CEP85L: variants seen among roughly 807,000 people sequenced by gnomAD.
CEP85L encodes the protein centrosomal protein of 85 kDa-like.
In CEP85L, 60 loss-of-function variants were observed where a neutral mutation model predicts 100.3. The ratio of observed to expected loss-of-function variants is 0.60; its 90% CI spans 0.49 to 0.74. The LOEUF (loss-of-function observed/expected upper bound fraction) is 0.74. CEP85L is among the 30% of genes least tolerant of loss of function. The pLI is 0.00. For missense variants in CEP85L, 973 were observed against 936.2 expected (o/e 1.04, Z -0.51); for synonymous variants, 319 against 322.7 (o/e 0.99, Z 0.12).
chr6:118,650,888 G>C (rs1008320363), intron 1 of CEP85L, among the ~76,000 whole-genome samples: 15 of 152,204 alleles, frequency 9.9e-5, no homozygotes, highest in African/African-American at 3.4e-4. Context: ...CGAGTAAAAG[G>C]AAAAAACCGG....
intron 1 of CEP85L, among the ~76,000 whole-genome samples, chr6:118,669,973 G>A (rs1299586949): frequency 2.7e-5 from 4 of 149,988 alleles, no homozygotes; most frequent in East Asian, 2.0e-4. Flanking sequence ...TTGTATCTTC[G>A]AGGTACTGAA....
At chr6:118,490,621 C>G (rs1774491498) in intron 6 of CEP85L, among the ~76,000 whole-genome samples, 1 of 152,098 alleles carries the variant, frequency 6.6e-6, no homozygotes, top group South Asian at 2.1e-4. Flanking sequence ...TGAAGACACA[C>G]ATAGACAAAA....
intron 1 of CEP85L, among the ~76,000 whole-genome samples, chr6:118,661,662 C>T (rs1343490403): frequency 6.6e-6 from 1 of 151,932 alleles, no homozygotes; most frequent in Non-Finnish European, 1.5e-5. Flanking sequence ...CCTATAAAAT[C>T]CTAAATCTCT....
At chr6:118,576,183 G>A (rs1030599490) in intron 2 of CEP85L, among the ~76,000 whole-genome samples, 1 of 152,132 alleles carries the variant, frequency 6.6e-6, no homozygotes, top group Non-Finnish European at 1.5e-5. Flanking sequence ...CCTTCCTATT[G>A]CCTTACCAAG....
intron 3 of CEP85L, chr6:118,558,795 T>G: frequency 1.4e-6 from 1 of 727,598 alleles, no homozygotes. Flanking sequence ...CATAGATGAT[T>G]CTAATCCATT....
At chr6:118,648,639 G>A (rs1202433707) in intron 1 of CEP85L, among the ~76,000 whole-genome samples, 1 of 151,850 alleles carries the variant, frequency 6.6e-6, no homozygotes, top group East Asian at 1.9e-4. Flanking sequence ...CTACTCGGGA[G>A]GCTGAGGCAG....
chr6:118,539,648 T>C (rs1032178365), intron 3 of CEP85L, among the ~76,000 whole-genome samples: 1 of 147,118 alleles, frequency 6.8e-6, no homozygotes, highest in African/African-American at 2.5e-5. Context: ...GCAGGTTTCT[T>C]ACATAGGTAA....
Position 118,570,567 on chromosome 6 carries a change from C to T in CEP85L, c.233-4251G>A, listed in dbSNP as rs556927109. ...TATATGCTGTCCATAGACTATGATA[C>T]TGAATATAGAATTTATTCCTAAAAT... On this transcript the variant is annotated intron_variant, in intron 2 of 12. Coordinates refer to ENST00000368491, the MANE Select transcript of CEP85L (RefSeq NM_001042475.3). 3.9e-5 allele frequency among the ~76,000 whole-genome samples: 6 copies of T among 152,270 alleles called. No individual in the cohort carries two copies. In the South Asian group the frequency reaches 6.2e-4, roughly 16 times the overall value.
chr6:118,678,308 G>T (rs1465634644), intron 1 of CEP85L, among the ~76,000 whole-genome samples: 1 of 152,196 alleles, frequency 6.6e-6, no homozygotes, highest in Admixed American at 6.5e-5. Context: ...AAACACACTG[G>T]TCATGCATTG....
chr6:118,691,061 G>GT (rs1373030438), intron 1 of CEP85L, among the ~76,000 whole-genome samples: 1 of 152,092 alleles, frequency 6.6e-6, no homozygotes, highest in Non-Finnish European at 1.5e-5. Context: ...GGGAGAGACA[G>GT]TTTAAAAAAA....
chr6:118,622,843 T>C (rs1773540471), intron 2 of CEP85L, among the ~76,000 whole-genome samples: 1 of 152,212 alleles, frequency 6.6e-6, no homozygotes, highest in South Asian at 2.1e-4. Context: ...AGAAGGAAAC[T>C]GCCGAGGAGA....
chr6:118,651,259 C>G lies in CEP85L; in HGVS notation c.11G>C (p.Arg4Pro). MWG[R>P]FLAPEASGRD... ...GCCGCTGGCCTCCGGAGCCAGGAAGCGCCCCCACATCGCGGGCGAGAGGGC... is the reference window on the plus strand; with the variant it reads ...GCCGCTGGCCTCCGGAGCCAGGAAGGGCCCCCACATCGCGGGCGAGAGGGC... Residue 4 changes from arginine (R) to proline (P), a missense_variant, in exon 1 of 13, where the codon CGC becomes CCC. By Grantham distance (103) the Arg-to-Pro change is moderately radical (BLOSUM62 -2). Around this residue, in one of 3 missense-constraint regions of CEP85L, gnomAD observed 79 missense variants for 73.3 expected, o/e 1.08. Transcript: ENST00000368491. 6.7e-7 allele frequency: 1 copy of G among 1,491,352 alleles called. No individual in the cohort carries two copies. Among genetic ancestry groups the G allele is most frequent in the South Asian group, 1.3e-5 (1 of 79,634 alleles). The allele number at this position is 1,491,352 out of a possible 1,614,324, so 92.4% of individuals were successfully genotyped here. A position where few individuals can be genotyped will look rare whatever the true frequency, so the allele number is the denominator to read the frequency against.
chr6:118,509,574 A>G (rs904423087), intron 5 of CEP85L, among the ~76,000 whole-genome samples: 1 of 152,118 alleles, frequency 6.6e-6, no homozygotes, highest in Non-Finnish European at 1.5e-5. Context: ...TTTCTCATCA[A>G]TATTTCCTGA....
chr6:118,505,241 G>A (rs1457639242), intron 5 of CEP85L, among the ~76,000 whole-genome samples: 2 of 151,726 alleles, frequency 1.3e-5, no homozygotes, highest in African/African-American at 4.8e-5. Flanking sequence ...AGGAGTTCAA[G>A]ACCAGCCTGG....
intron 10 of CEP85L, among the ~76,000 whole-genome samples, chr6:118,477,911 T>C (rs376848897): frequency 1.3e-5 from 2 of 152,114 alleles, no homozygotes; most frequent in East Asian, 3.8e-4. Flanking sequence ...TTTTGTGTTA[T>C]TTTGGATAGG....
intron 10 of CEP85L, among the ~76,000 whole-genome samples, chr6:118,474,884 T>C (rs143496633): frequency 2.6e-5 from 4 of 152,322 alleles, no homozygotes; most frequent in Non-Finnish European, 4.4e-5. Context: ...GCTAAATCCA[T>C]AGACTACTTT....
chr6:118,510,591 G>T (rs2114713258), intron 5 of CEP85L, among the ~76,000 whole-genome samples: 1 of 152,196 alleles, frequency 6.6e-6, no homozygotes, highest in Admixed American at 6.5e-5. Context: ...CACTCTGTTA[G>T]CATGGCTGGG....
chr6:118,567,881 G>T, intron 2 of CEP85L, among the ~76,000 whole-genome samples: 1 of 152,150 alleles, frequency 6.6e-6, no homozygotes, highest in East Asian at 1.9e-4. Context: ...ATAAACAGAA[G>T]TATTGTAGTG....
intron 2 of CEP85L, among the ~76,000 whole-genome samples, chr6:118,618,906 T>C (rs886613664): frequency 1.3e-5 from 2 of 152,132 alleles, no homozygotes; most frequent in Admixed American, 6.6e-5. Context: ...CCAGAACAGA[T>C]AGGACGCGTT....
Sources: allele counts gnomAD v4.1 joint callset (sites outside exome capture counted in the v4.1 genomes callset), GRCh38; gene constraint gnomAD v4.1.1; regional missense constraint gnomAD v4.1.1; transcripts MANE v1.5; gene names NCBI Gene and HGNC (gene_info 2026-07-23, HGNC 2026-07-21).